The following GPR107 variants were observed in gnomAD, a reference collection of about 807,000 sequenced individuals.
The protein encoded by GPR107 is protein GPR107.
GPR107 carries 31 observed loss-of-function variants against 75.5 expected under a neutral mutation model. The observed-to-expected ratio is 0.41, with a 90% confidence interval of 0.31 to 0.55. The LOEUF is 0.55. Ranked by LOEUF, GPR107 falls within the 20% of genes least tolerant of loss-of-function variation. GPR107 has a pLI of 0.26. For missense variants in GPR107, 572 were observed against 665.7 expected, an observed-to-expected ratio of 0.86 and a Z score of 1.55; for synonymous variants, 267 against 251.3, an observed-to-expected ratio of 1.06 and a Z score of -0.59.
chr9:130,133,151 C>T (rs1287792515), intron 17 of GPR107: 4 of 152,204 alleles, frequency 2.6e-5, no homozygotes, highest in African/African-American at 9.7e-5. Flanking sequence ...GGGCTGTGGG[C>T]TCCGAAGAGC....
intron 1 of GPR107, among the ~76,000 whole-genome samples, chr9:130,071,035 C>T (rs112044444): frequency 0.035 from 3,408 of 98,090 alleles, 56 homozygotes; most frequent in Middle Eastern, 0.098. Context: ...TTTTTTTTTT[C>T]TTTTTTTTTT....
At position 130,101,285 on chromosome 9, in the gene GPR107, A is replaced by C; in HGVS notation, c.1131+62A>C. 3.4e-6 allele frequency: 3 copies of C among 893,444 alleles called. No individual in the cohort carries two copies. In the South Asian group the frequency reaches 4.0e-5, roughly 12 times the overall value. 55.3% of individuals were successfully genotyped at this position (893,444 alleles called of 1,614,324 possible). A position where few individuals can be genotyped will look rare whatever the true frequency, so the allele number is the denominator to read the frequency against. ...TTGGCGCTTAGCAGGGCTCAGCTCC[A>C]AGCCTGTATGGGAAGAGGGAGTCAC... On this transcript the variant is annotated intron_variant, in intron 12 of 17. Transcript: ENST00000347136.
chr9:130,123,530 C>CTTTT (rs57730952), intron 14 of GPR107, among the ~76,000 whole-genome samples: 75 of 127,082 alleles, frequency 5.9e-4, no homozygotes, highest in Non-Finnish European at 8.3e-4. Flanking sequence ...CTTTTCTTTT[C>CTTTT]TTTTTTTTTT....
At chr9:130,077,749 A>C (rs1830388818) in intron 4 of GPR107, among the ~76,000 whole-genome samples, 5 of 152,194 alleles carry the variant, frequency 3.3e-5, no homozygotes, top group Admixed American at 2.6e-4. Context: ...GACTGGGTCC[A>C]CGTAATGGCT....
chr9:130,116,464 T>C (rs1831431078), intron 14 of GPR107, among the ~76,000 whole-genome samples: 1 of 152,216 alleles, frequency 6.6e-6, no homozygotes, highest in Admixed American at 6.5e-5. Context: ...ACCTTCATCC[T>C]TGCCTAGCTC....
At chr9:130,134,264 A>G (rs1333443862) in intron 17 of GPR107, among the ~76,000 whole-genome samples, 2 of 152,140 alleles carry the variant, frequency 1.3e-5, no homozygotes, top group African/African-American at 4.8e-5. Context: ...TATCCTCTTG[A>G]GAAGGTGGGG....
intron 17 of GPR107, chr9:130,133,064 C>T (rs1030945807): frequency 6.6e-6 from 1 of 152,180 alleles, no homozygotes; most frequent in Admixed American, 6.5e-5. Flanking sequence ...GAGCCATCAC[C>T]GAACCCGGTT....
intron 14 of GPR107, among the ~76,000 whole-genome samples, chr9:130,123,007 C>A (rs1387312214): frequency 6.6e-6 from 1 of 151,988 alleles, no homozygotes; most frequent in Non-Finnish European, 1.5e-5. Context: ...AAAACAACAA[C>A]AAAATGATGA....
At chr9:130,065,582 A>G (rs1192127054) in intron 1 of GPR107, among the ~76,000 whole-genome samples, 1 of 151,862 alleles carries the variant, frequency 6.6e-6, no homozygotes, top group Non-Finnish European at 1.5e-5. Context: ...CCTGGCCAGT[A>G]TGGTGGAACC....
At chr9:130,085,377 G>C (rs1830590295) in intron 6 of GPR107, among the ~76,000 whole-genome samples, 1 of 152,180 alleles carries the variant, frequency 6.6e-6, no homozygotes, top group Non-Finnish European at 1.5e-5. Flanking sequence ...GTTTTGGTTG[G>C]CGATATCTTG....
At chr9:130,056,377 G>A (rs778608575) in intron 1 of GPR107, among the ~76,000 whole-genome samples, 9 of 151,958 alleles carry the variant, frequency 5.9e-5, no homozygotes, top group Non-Finnish European at 1.2e-4. Flanking sequence ...TTGGACCCAG[G>A]AGTAGGAAGT....
intron 1 of GPR107, among the ~76,000 whole-genome samples, chr9:130,057,481 C>T (rs1416289291): frequency 3.7e-5 from 5 of 135,606 alleles, no homozygotes; most frequent in African/African-American, 1.4e-4. Flanking sequence ...GCCTGGGGGA[C>T]AGAGTGAGAC....
At chr9:130,072,974 GAC>G (rs1487233209) in intron 1 of GPR107, among the ~76,000 whole-genome samples, 1 of 152,100 alleles carries the variant, frequency 6.6e-6, no homozygotes, top group Non-Finnish European at 1.5e-5. Flanking sequence ...CCAGAACGTA[GAC>G]ACACTCATGC....
In GPR107 at chr9:130,138,398, A is replaced by G. The variant is rs1284633060; in HGVS notation, c.*3277A>G. 4.0e-5 allele frequency: 6 copies of G among 150,394 alleles called. No individual in the cohort carries two copies. Among genetic ancestry groups the G allele is most frequent in the Non-Finnish European group, 8.9e-5 (6 of 67,742 alleles). The allele number at this position is 150,394 out of a possible 1,614,324, so 9.3% of individuals were successfully genotyped here. ...ATCGCCATCTCTGCTGTCTCATTCC[A>G]CAGCCTCCCTCCCTCTTCTCTCCTC... On this transcript the variant is annotated 3_prime_UTR_variant, in exon 18 of 18. Transcript: ENST00000347136.
chr9:130,076,280 G>A, intron 2 of GPR107, 132 bp from the exon 3 acceptor site: 1 of 582,102 alleles, frequency 1.7e-6, no homozygotes, highest in Non-Finnish European at 3.1e-6. Context: ...ATTTTACTTT[G>A]CCTTCTTACA....
chr9:130,121,627 G>A (rs1177244661), intron 14 of GPR107, among the ~76,000 whole-genome samples: 1 of 152,236 alleles, frequency 6.6e-6, no homozygotes, highest in South Asian at 2.1e-4. Context: ...CGCACCTGCT[G>A]TTCCACAGCA....
At chr9:130,083,821 A>G (rs1830548102) in intron 6 of GPR107, among the ~76,000 whole-genome samples, 1 of 152,124 alleles carries the variant, frequency 6.6e-6, no homozygotes, top group African/African-American at 2.4e-5. Flanking sequence ...AAAATGGCAT[A>G]GTATTTACAC....
chr9:130,126,415 G>A (rs779860934), intron 15 of GPR107, among the ~76,000 whole-genome samples: 1 of 145,534 alleles, frequency 6.9e-6, no homozygotes, highest in Non-Finnish European at 1.5e-5. Flanking sequence ...GCGTGATCTC[G>A]GCTCACTGCA....
Position 130,115,880 on chromosome 9 carries a change from G to A in GPR107, c.1306+8341G>A, listed in dbSNP as rs575794354. Among the ~76,000 whole-genome samples, 5 of 152,204 alleles carry A rather than the reference G, an allele frequency of 3.3e-5. No individual in the cohort carries two copies. The South Asian group carries it at 8.3e-4, about 25-fold the overall frequency. On this transcript the variant is annotated intron_variant, in intron 14 of 17. Transcript: ENST00000347136. ...GGCCTCTCAAAGTGCTGGGATTACAGGCATGAGCCACCGTGCCCAGCCAAT... is the reference window on the plus strand; with the variant it reads ...GGCCTCTCAAAGTGCTGGGATTACAAGCATGAGCCACCGTGCCCAGCCAAT...
Sources: allele counts gnomAD v4.1 joint callset (sites outside exome capture counted in the v4.1 genomes callset), GRCh38; gene constraint gnomAD v4.1.1; transcripts MANE v1.5; gene names NCBI Gene and HGNC (gene_info 2026-07-23, HGNC 2026-07-21).